AKR1C3: variants seen among roughly 807,000 people sequenced by gnomAD.
AKR1C3 encodes the protein 3-alpha hydroxysteroid dehydrogenase, type II.
A neutral mutation model predicts 43.6 loss-of-function variants in AKR1C3; 48 were observed. That is an observed-to-expected ratio of 1.10 (90% confidence interval 0.87 to 1.40). The LOEUF is 1.40. Among genes scored for constraint, AKR1C3 ranks in the 40% most tolerant of loss-of-function variants. The pLI, the probability that AKR1C3 is intolerant of heterozygous loss-of-function variation, is 0.00. For missense variants in AKR1C3, 482 were observed against 391.2 expected, an observed-to-expected ratio of 1.23 and a Z score of -1.96; for synonymous variants, 162 against 139.6, an observed-to-expected ratio of 1.16 and a Z score of -1.13.
chr10:5,107,363 C>G, intron 8 of AKR1C3, 98 bp from the exon 9 acceptor site: 1 of 870,432 alleles, frequency 1.1e-6, no homozygotes, highest in Admixed American at 2.1e-5. Context: ...AGTCAGACAA[C>G]TTAACATTCA....
intron 5 of AKR1C3, among the ~76,000 whole-genome samples, chr10:5,101,757 G>T (rs1839356126): frequency 1.3e-5 from 2 of 152,052 alleles, no homozygotes; most frequent in South Asian, 4.2e-4. Flanking sequence ...ACGAGTCCTT[G>T]ACCAAATTCT....
In AKR1C3 at chr10:5,102,561, G is replaced by A. The variant is rs1554786262; in HGVS notation, c.757G>A (p.Ala253Thr). 6.4e-7 allele frequency: 1 copy of A among 1,564,706 alleles called. No individual in the cohort carries two copies. Among genetic ancestry groups the A allele is most frequent in the African/African-American group, 1.4e-5 (1 of 73,480 alleles). Residue 253 changes from alanine (A) to threonine (T), a missense_variant, in exon 7 of 9, where the codon GCC (alanine) becomes ACC (threonine). Ala to Thr is a moderately conservative substitution (Grantham distance 58). Transcript: ENST00000380554. ...GGCAAAAAAGCACAAGCGAACCCCAGCCCTGATTGCCCTGCGCTACCAGCT... is the reference window on the plus strand; with the variant it reads ...GGCAAAAAAGCACAAGCGAACCCCAACCCTGATTGCCCTGCGCTACCAGCT... The part of the protein sequence containing the change: ...ALAKKHKRTP[A>T]LIALRYQLQR...
rs12245546 is a variant in AKR1C3 at position 5,069,111 on chromosome 10, T to C, written c.84+20216T>C. ...AGCTCTTATATTATTATTAAACCAATTTAAAACTTTACAGAAGGGACAAAT... is the reference window on the plus strand; with the variant it reads ...AGCTCTTATATTATTATTAAACCAACTTAAAACTTTACAGAAGGGACAAAT... On this transcript the variant is annotated intron_variant, in intron 1 of 8. Coordinates refer to the AKR1C3 transcript ENST00000439082. Among the ~76,000 whole-genome samples, 824 of 152,212 alleles carry C rather than the reference T, an allele frequency of 5.4e-3. 10 individuals are homozygous for C. Among genetic ancestry groups the C allele is most frequent in the African/African-American group, 0.019 (780 of 41,530 alleles).
chr10:5,100,786 A>T (rs1839330084), intron 5 of AKR1C3, among the ~76,000 whole-genome samples: 1 of 152,158 alleles, frequency 6.6e-6, no homozygotes, highest in Admixed American at 6.5e-5. Context: ...TATTATGATA[A>T]TTTTCAAACT....
chr10:5,060,755 A>G (rs1838366881), intron 1 of AKR1C3, among the ~76,000 whole-genome samples: 1 of 149,352 alleles, frequency 6.7e-6, no homozygotes, highest in Admixed American at 6.7e-5. Context: ...CTTGTTGGGG[A>G]GGCTCAGGCT....
At chr10:5,089,589 A>G (rs1426222220), upstream of AKR1C3, among the ~76,000 whole-genome samples, 4 of 151,948 alleles carry the variant, frequency 2.6e-5, no homozygotes, top group Non-Finnish European at 5.9e-5. Flanking sequence ...TTTGTTTTCA[A>G]ATTTTTGGTT....
rs986275279 is a variant in AKR1C3, at chr10:5,053,422, C to T, written c.84+4527C>T. Among the ~76,000 whole-genome samples the T allele has an allele frequency of 3.9e-5, 6 of 152,224 alleles. No homozygotes were observed. In the East Asian group the frequency reaches 1.2e-3, roughly 29 times the overall value. On this transcript the variant is annotated intron_variant, in intron 1 of 8. Coordinates refer to the AKR1C3 transcript ENST00000439082. The stretch of plus-strand genomic sequence containing the variant: ...GCAGGGCCTGCTGAGCACATGCCCA[C>T]CCGGAACTCGTGCTGGCCCACAAGG...
chr10:5,084,914 T>G (rs1473900047), intron 1 of AKR1C3, among the ~76,000 whole-genome samples: 2 of 152,216 alleles, frequency 1.3e-5, no homozygotes, highest in African/African-American at 4.8e-5. Context: ...TTGTGATTTT[T>G]GCACATTGAT....
intron 5 of AKR1C3, among the ~76,000 whole-genome samples, chr10:5,101,602 T>C (rs1839351735): frequency 6.6e-6 from 1 of 152,182 alleles, no homozygotes; most frequent in African/African-American, 2.4e-5. Flanking sequence ...CATTTTTCCT[T>C]AAGATTTTTA....
chr10:5,105,852 C>T (rs1229130791), intron 8 of AKR1C3, among the ~76,000 whole-genome samples, 175 bp downstream of exon 8: 2 of 152,182 alleles, frequency 1.3e-5, no homozygotes, highest in African/African-American at 4.8e-5. Flanking sequence ...GGTGAGTGGG[C>T]AGGGATCAGC....
intron 8 of AKR1C3, among the ~76,000 whole-genome samples, chr10:5,106,855 A>G (rs587624686): frequency 1.3e-5 from 2 of 151,704 alleles, no homozygotes; most frequent in South Asian, 4.2e-4. Context: ...GTGGCCCTTC[A>G]TAAGTGCTTA....
intron 1 of AKR1C3, among the ~76,000 whole-genome samples, chr10:5,071,863 GTC>G (rs535373766): frequency 7.9e-4 from 120 of 152,290 alleles, no homozygotes; most frequent in African/African-American, 2.6e-3. Flanking sequence ...ATTCCACTCA[GTC>G]TCTGCTCAGC....
At chr10:5,053,229 G>T (rs982765655) in intron 1 of AKR1C3, among the ~76,000 whole-genome samples, 10 of 152,256 alleles carry the variant, frequency 6.6e-5, no homozygotes, top group Admixed American at 1.3e-4. Flanking sequence ...CAGCCACACA[G>T]GAGCCCACGG....
intron 8 of AKR1C3, 125 bp downstream of exon 8, chr10:5,105,802 T>G (rs1554787113): frequency 1.4e-6 from 1 of 721,552 alleles, no homozygotes; most frequent in East Asian, 2.8e-5. Context: ...AGACTGGAAC[T>G]CTCCTGCTGG....
chr10:5,077,737 A>G, intron 1 of AKR1C3: 1 of 1,185,476 alleles, frequency 8.4e-7, no homozygotes, highest in Non-Finnish European at 1.0e-6. Flanking sequence ...AAAAAAGAAA[A>G]AAAAAGGTGC....
At chr10:5,095,018 T>C (rs1049405391) in intron 1 of AKR1C3, among the ~76,000 whole-genome samples, 1 of 152,136 alleles carries the variant, frequency 6.6e-6, no homozygotes, top group Non-Finnish European at 1.5e-5. Flanking sequence ...TTACCGGACC[T>C]GGACTAGAGT....
intron 1 of AKR1C3, among the ~76,000 whole-genome samples, chr10:5,072,614 A>G (rs1259879153): frequency 2.0e-5 from 3 of 152,196 alleles, no homozygotes; most frequent in East Asian, 1.9e-4. Context: ...ATAACTTCCT[A>G]TCTCCATGGG....
intron 1 of AKR1C3, among the ~76,000 whole-genome samples, chr10:5,073,213 C>T (rs1554781484): frequency 5.9e-5 from 9 of 152,154 alleles, no homozygotes. Context: ...CCGCCTGCCT[C>T]AGCCTCCCAA....
In AKR1C3 at chr10:5,107,683, A is replaced by G. The variant is rs1700503585; in HGVS notation, c.*180A>G. 3.6e-6 allele frequency: 2 copies of G among 556,422 alleles called. No homozygotes were observed. The highest frequency in any genetic ancestry group is 6.3e-6 in the Non-Finnish European group (2 of 315,120). The allele number at this position is 556,422 out of a possible 1,614,324, so 34.5% of individuals were successfully genotyped here. Reference sequence around the variant, plus strand: ...GACAATAAATTTTTATCATTTTGAAATAATTGAATGTTTTCTCAAAGATTC... The same window carrying G: ...GACAATAAATTTTTATCATTTTGAAGTAATTGAATGTTTTCTCAAAGATTC... On this transcript the variant is annotated 3_prime_UTR_variant, in exon 9 of 9. Coordinates refer to ENST00000380554, the MANE Select transcript of AKR1C3 (RefSeq NM_003739.6).
Sources: allele counts gnomAD v4.1 joint callset (sites outside exome capture counted in the v4.1 genomes callset), GRCh38; gene constraint gnomAD v4.1.1; transcripts MANE v1.5; gene names NCBI Gene and HGNC (gene_info 2026-07-23, HGNC 2026-07-21).